The following CTXND2 variants were observed in gnomAD, a reference collection of about 807,000 sequenced individuals.
CTXND2 encodes cortexin domain containing 2.
intron 1 of CTXND2, among the ~76,000 whole-genome samples, chr1:150,897,005 G>A (rs907797199): frequency 2.0e-5 from 3 of 152,162 alleles, no homozygotes; most frequent in African/African-American, 7.2e-5. Context: ...GAAAGCAAAG[G>A]GGAAGAGAGG....
intron 1 of CTXND2, among the ~76,000 whole-genome samples, chr1:150,900,587 A>G (rs1442577250): frequency 6.6e-6 from 1 of 152,144 alleles, no homozygotes; most frequent in Non-Finnish European, 1.5e-5. Context: ...GGTGGAGGTT[A>G]CAGTCAGCTG....
intron 1 of CTXND2, among the ~76,000 whole-genome samples, chr1:150,888,463 C>T (rs954357179): frequency 1.4e-4 from 21 of 151,820 alleles, no homozygotes; most frequent in African/African-American, 4.8e-4. Flanking sequence ...TGATCCCCCG[C>T]GACCTCGGCC....
chr1:150,899,969 C>T (rs1252824984), intron 1 of CTXND2, among the ~76,000 whole-genome samples: 2 of 152,128 alleles, frequency 1.3e-5, no homozygotes, highest in Non-Finnish European at 2.9e-5. Flanking sequence ...TCTGTAAAAA[C>T]GGACCAATCA....
intron 1 of CTXND2, among the ~76,000 whole-genome samples, chr1:150,907,916 A>C (rs932167303): frequency 6.6e-6 from 1 of 151,752 alleles, no homozygotes; most frequent in Non-Finnish European, 1.5e-5. Context: ...TCACCGTGTT[A>C]GCCAGGATGG....
At chr1:150,889,543 G>A (rs1045327559) in intron 1 of CTXND2, among the ~76,000 whole-genome samples, 5 of 151,628 alleles carry the variant, frequency 3.3e-5, no homozygotes, top group Admixed American at 2.6e-4. Context: ...TTTCCAGGTC[G>A]TCACAAATTC....
chr1:150,895,116 T>C (rs1668900608), intron 1 of CTXND2, among the ~76,000 whole-genome samples: 1 of 151,922 alleles, frequency 6.6e-6, no homozygotes, highest in Non-Finnish European at 1.5e-5. Context: ...AATATAGCTA[T>C]AAAATTTTAT....
chr1:150,895,681 A>C (rs1668907338), intron 1 of CTXND2, among the ~76,000 whole-genome samples: 1 of 152,172 alleles, frequency 6.6e-6, no homozygotes, highest in South Asian at 2.1e-4. Flanking sequence ...ATCTGTCAGA[A>C]ACAATTCCCA....
At chr1:150,900,932 TG>T (rs752783722) in intron 1 of CTXND2, among the ~76,000 whole-genome samples, 1 of 152,014 alleles carries the variant, frequency 6.6e-6, no homozygotes, top group Non-Finnish European at 1.5e-5. Context: ...TTGGGCAAAA[TG>T]GTGAGATCTT....
At chr1:150,911,621 C>T (rs778074609) in intron 1 of CTXND2, among the ~76,000 whole-genome samples, 3 of 151,766 alleles carry the variant, frequency 2.0e-5, no homozygotes, top group Non-Finnish European at 4.4e-5. Flanking sequence ...TTAGTAGAGA[C>T]GGGGTTTCAC....
rs587610966 is a variant in CTXND2, at chr1:150,912,577, T to C, written c.*95T>C. Reference sequence around the variant, plus strand: ...TTCACCTCCCTGTTTCTCAGCCTTCTCACTCTTGCATTCCACAGTGAGATG... The same window carrying C: ...TTCACCTCCCTGTTTCTCAGCCTTCCCACTCTTGCATTCCACAGTGAGATG... On this transcript the variant is annotated 3_prime_UTR_variant, in exon 2 of 2. Transcript: ENST00000636087. 2.6e-4 allele frequency: 102 copies of C among 397,520 alleles called. 1 individual carries two copies. The East Asian group carries it at 3.6e-3, about 14-fold the overall frequency. The allele number at this position is 397,520 out of a possible 1,614,324, so 24.6% of individuals were successfully genotyped here.
At chr1:150,900,452 C>T (rs774064083) in intron 1 of CTXND2, among the ~76,000 whole-genome samples, 11 of 152,286 alleles carry the variant, frequency 7.2e-5, no homozygotes, top group Non-Finnish European at 1.2e-4. Flanking sequence ...TGAGGGTCTG[C>T]AGCTTCAGTC....
intron 1 of CTXND2, among the ~76,000 whole-genome samples, chr1:150,891,216 T>C (rs1668845824): frequency 6.6e-6 from 1 of 151,882 alleles, no homozygotes; most frequent in East Asian, 1.9e-4. Context: ...TCTTTCTTTT[T>C]TTTTTTCTTT....
chr1:150,899,549 T>C (rs1668965031), intron 1 of CTXND2, among the ~76,000 whole-genome samples: 1 of 152,162 alleles, frequency 6.6e-6, no homozygotes, highest in Admixed American at 6.5e-5. Flanking sequence ...ATAGACTGAA[T>C]GTGGAGAAAA....
intron 1 of CTXND2, among the ~76,000 whole-genome samples, chr1:150,899,774 TG>T (rs1257124396): frequency 1.3e-5 from 2 of 152,146 alleles, no homozygotes; most frequent in Admixed American, 1.3e-4. Flanking sequence ...CTGACCTACA[TG>T]ATGAAACCTG....
chr1:150,899,890 A>G (rs990799368), intron 1 of CTXND2, among the ~76,000 whole-genome samples: 12 of 152,172 alleles, frequency 7.9e-5, no homozygotes, highest in Admixed American at 7.9e-4. Flanking sequence ...CTGTCTAGCT[A>G]AAGGATTGTA....
intron 1 of CTXND2, chr1:150,903,919 G>A: frequency 6.2e-6 from 4 of 641,416 alleles, no homozygotes; most frequent in Non-Finnish European, 1.2e-5. Flanking sequence ...AGAAAGGCAA[G>A]AAGATTTTTG....
intron 1 of CTXND2, among the ~76,000 whole-genome samples, chr1:150,900,199 C>T (rs1353615976): frequency 6.6e-6 from 1 of 152,112 alleles, no homozygotes; most frequent in African/African-American, 2.4e-5. Context: ...AGTTGTAATA[C>T]TCACCGTGAA....
intron 1 of CTXND2, among the ~76,000 whole-genome samples, chr1:150,890,436 A>G (rs1288845273): frequency 6.6e-6 from 1 of 152,216 alleles, no homozygotes; most frequent in Non-Finnish European, 1.5e-5. Context: ...CAGGGGCTTT[A>G]CAGGAATGAT....
In CTXND2 at chr1:150,910,372, C is replaced by T. The variant is rs587635315; in HGVS notation, c.-73-1870C>T. On this transcript the variant is annotated intron_variant, in intron 1 of 1. Coordinates refer to ENST00000636087, the Ensembl canonical transcript of CTXND2. ...CTCAAACTCCTGACCTCAGGTGATC[C>T]GCCCTCCTCGGCCTCCCAAAATGCT... Among the ~76,000 whole-genome samples the T allele has an allele frequency of 2.8e-3, 424 of 151,976 alleles. 2 individuals are homozygous for T. The highest frequency in any genetic ancestry group is 9.7e-3 in the African/African-American group (403 of 41,500).
Sources: gnomAD v4.1 joint callset for allele counts (sites outside exome capture counted in the v4.1 genomes callset) on GRCh38, gnomAD v4.1.1 for gene constraint, MANE v1.5 for transcripts, NCBI Gene and HGNC (gene_info 2026-07-23, HGNC 2026-07-21) for gene names.